TSHZ3: variants seen among roughly 807,000 people sequenced by gnomAD.
TSHZ3 encodes teashirt zinc finger homeobox 3, also known as teashirt homolog 3.
In TSHZ3, 10 loss-of-function variants were observed where a neutral mutation model predicts 64.5. The ratio of observed to expected loss-of-function variants is 0.16; its 90% CI spans 0.10 to 0.26. The LOEUF (loss-of-function observed/expected upper bound fraction) is 0.26. Ranked by LOEUF, TSHZ3 falls within the 10% of genes least tolerant of loss-of-function variation. TSHZ3 has a pLI of 1.00. For missense variants in TSHZ3, 1,242 were observed against 1,421.7 expected (o/e 0.87, Z 2.03); for synonymous variants, 608 against 593.1 (o/e 1.03, Z -0.36).
At position 31,300,569 on chromosome 19, in the gene TSHZ3, C is replaced by T. The variant is rs567126362; in HGVS notation, c.41-20817G>A. ...CTAGGGAGGGATGGCCCCAGGAGAG[C>T]TGGCCCAGGTCCAGGCCTCTCTAAC... is the stretch of plus-strand genomic sequence containing the variant. On this transcript the variant is annotated intron_variant, in intron 1 of 1. Transcript: ENST00000240587. Among the ~76,000 whole-genome samples the T allele has an allele frequency of 1.5e-4, 23 of 152,292 alleles. No homozygotes were observed. In the East Asian group the frequency reaches 3.5e-3, roughly 23 times the overall value.
At chr19:31,343,772 A>AG (rs1014524652) in intron 1 of TSHZ3, among the ~76,000 whole-genome samples, 2 of 105,244 alleles carry the variant, frequency 1.9e-5, no homozygotes, top group South Asian at 9.1e-4. Flanking sequence ...CTTACAATTC[A>AG]GGTTTTTTTT....
chr19:31,269,695 G>GA (rs1976106914), intron 1 of TSHZ3, among the ~76,000 whole-genome samples: 1 of 152,030 alleles, frequency 6.6e-6, no homozygotes, highest in Non-Finnish European at 1.5e-5. Context: ...TGCTGTGGAA[G>GA]AAAAAAATGA....
intron 4 of TSHZ3, among the ~76,000 whole-genome samples, chr19:31,226,543 G>T (rs1241517402): frequency 6.6e-6 from 1 of 152,128 alleles, no homozygotes; most frequent in East Asian, 1.9e-4. Context: ...CTTTTTGTTT[G>T]TAGATTACCC....
At chr19:31,298,243 T>G (rs145185014) in intron 1 of TSHZ3, among the ~76,000 whole-genome samples, 1 of 152,212 alleles carries the variant, frequency 6.6e-6, no homozygotes, top group African/African-American at 2.4e-5. Flanking sequence ...AAGCCCATTC[T>G]TCTCACCTCT....
At chr19:31,165,495 A>G (rs1974436310) in intron 5 of TSHZ3, among the ~76,000 whole-genome samples, 1 of 152,204 alleles carries the variant, frequency 6.6e-6, no homozygotes, top group African/African-American at 2.4e-5. Context: ...CACAGATTGG[A>G]TGTAAACGAA....
chr19:31,221,280 G>T (rs1192424431), intron 4 of TSHZ3, among the ~76,000 whole-genome samples: 1 of 152,198 alleles, frequency 6.6e-6, no homozygotes, highest in Non-Finnish European at 1.5e-5. Context: ...TTGGGCCAGG[G>T]TTTCCAATAG....
At chr19:31,159,995 T>C (rs766340972) in intron 5 of TSHZ3, among the ~76,000 whole-genome samples, 1 of 152,198 alleles carries the variant, frequency 6.6e-6, no homozygotes, top group Non-Finnish European at 1.5e-5. Flanking sequence ...CCCCAGAATG[T>C]TGCTCTTGAA....
chr19:31,294,690 C>T (rs1313979741), intron 1 of TSHZ3, among the ~76,000 whole-genome samples: 1 of 152,178 alleles, frequency 6.6e-6, no homozygotes, highest in Non-Finnish European at 1.5e-5. Flanking sequence ...AATATATAAT[C>T]TATTGACTGG....
intron 1 of TSHZ3, among the ~76,000 whole-genome samples, chr19:31,286,071 G>A (rs1976457526): frequency 6.6e-6 from 1 of 152,150 alleles, no homozygotes; most frequent in Non-Finnish European, 1.5e-5. Flanking sequence ...TCCATTGAAA[G>A]AGTCTCTCAA....
At position 31,157,575 on chromosome 19, in the gene TSHZ3, A is replaced by T. The variant is rs183057699; in HGVS notation, n.810-1158T>A. Among the ~76,000 whole-genome samples, 235 of 152,350 alleles carry T rather than the reference A, an allele frequency of 1.5e-3. 1 individual carries two copies. The highest frequency in any genetic ancestry group is 3.1e-4 in the Non-Finnish European group (21 of 68,036). On this transcript the variant is annotated intron_variant and non_coding_transcript_variant, in intron 5 of 6. Transcript: ENST00000651361. ...GCTGCATAGATCACCAATACAAAAA[A>T]ATGTTGAAGGAAAAGGGTAGATTAT...
chr19:31,335,484 C>T (rs1257907802), intron 1 of TSHZ3, among the ~76,000 whole-genome samples: 3 of 152,200 alleles, frequency 2.0e-5, no homozygotes, highest in Non-Finnish European at 4.4e-5. Context: ...GCAGCACACC[C>T]CGTTGTTGGT....
rs771070299 is a variant in TSHZ3, at chr19:31,330,706, G to GT, written c.40+18473_40+18474insA. Among the ~76,000 whole-genome samples, 213 of 68,086 alleles carry GT rather than the reference G, an allele frequency of 3.1e-3. 4 individuals are homozygous for GT. The highest frequency in any genetic ancestry group is 0.015 in the African/African-American group (203 of 13,234). 44.7% of individuals were successfully genotyped at this position (68,086 alleles called of 152,430 possible). ...AGGAGCCAAGTGCTGTTTAATCCTT[G>GT]GGCGGGGGGAGGAAAGTCCAGAACA... On this transcript the variant is annotated intron_variant, in intron 1 of 1. Transcript: ENST00000240587.
intron 1 of TSHZ3, among the ~76,000 whole-genome samples, chr19:31,345,784 T>C (rs1163398978): frequency 6.6e-6 from 1 of 152,160 alleles, no homozygotes; most frequent in Non-Finnish European, 1.5e-5. Context: ...TATTAAGTAT[T>C]ACACTAAAAT....
At chr19:31,158,788 C>A (rs1974336306) in intron 5 of TSHZ3, among the ~76,000 whole-genome samples, 1 of 152,138 alleles carries the variant, frequency 6.6e-6, no homozygotes, top group African/African-American at 2.4e-5. Context: ...GCATTAGATT[C>A]TCATAAGAAG....
In TSHZ3 at chr19:31,218,598, G is replaced by A. The variant is rs116614454; in HGVS notation, n.686+9407C>T. On this transcript the variant is annotated intron_variant and non_coding_transcript_variant, in intron 4 of 6. Transcript: ENST00000651361. The stretch of plus-strand genomic sequence containing the variant: ...CTTATGTCTACATAAAAACTCCCAC[G>A]TGGATATGTGTAATAGGTTTATTAA... Among the ~76,000 whole-genome samples, 703 of 152,296 alleles carry A rather than the reference G, an allele frequency of 4.6e-3. 10 individuals carry two copies. The highest frequency in any genetic ancestry group is 0.016 in the African/African-American group (660 of 41,550).
At chr19:31,308,615 G>A (rs1916364558) in intron 1 of TSHZ3, 1 of 398,540 alleles carries the variant, frequency 2.5e-6, no homozygotes, top group East Asian at 3.6e-5. Context: ...GGTGTTTTAG[G>A]CTCCACAGGT....
chr19:31,170,559 G>A (rs752331507), intron 5 of TSHZ3, among the ~76,000 whole-genome samples: 20 of 152,106 alleles, frequency 1.3e-4, no homozygotes, highest in Non-Finnish European at 2.8e-4. Context: ...ATGCTCTTGG[G>A]TCCTGTGGTC....
intron 1 of TSHZ3, among the ~76,000 whole-genome samples, chr19:31,297,558 G>A (rs1172648236): frequency 2.6e-5 from 4 of 152,170 alleles, no homozygotes; most frequent in Admixed American, 6.5e-5. Context: ...CTCACCTGCA[G>A]CCTTGAACTG....
intron 1 of TSHZ3, among the ~76,000 whole-genome samples, chr19:31,249,665 C>T (rs1395655628): frequency 6.6e-6 from 1 of 152,194 alleles, no homozygotes; most frequent in Non-Finnish European, 1.5e-5. Context: ...TCGAATACGC[C>T]TCCGCTGAGA....
Sources: allele counts gnomAD v4.1 joint callset (sites outside exome capture counted in the v4.1 genomes callset), GRCh38; gene constraint gnomAD v4.1.1; transcripts MANE v1.5; gene names NCBI Gene and HGNC (gene_info 2026-07-23, HGNC 2026-07-21).